The following PIN4 variants were observed in gnomAD, a reference collection of about 807,000 sequenced individuals.
PIN4 encodes the protein peptidyl-prolyl cis-trans isomerase NIMA-interacting 4.
A neutral mutation model predicts 8.3 loss-of-function variants in PIN4; 3 were observed. The observed-to-expected ratio is 0.36, with a 90% CI of 0.16 to 0.93. The LOEUF (loss-of-function observed/expected upper bound fraction) is 0.93, where lower values mean the gene tolerates loss of function less well. Ranked by LOEUF, PIN4 falls within the 40% of genes least tolerant of loss-of-function variation. The pLI is 0.44. For missense variants in PIN4, 75 were observed against 100.6 expected (o/e 0.75, Z 1.09); for synonymous variants, 18 against 32.5 (o/e 0.55, Z 1.52).
chrX:72,193,489 T>C (rs748114247), intron 2 of PIN4, among the ~76,000 whole-genome samples: 2 of 110,884 alleles, frequency 1.8e-5, no homozygotes, highest in African/African-American at 6.6e-5. Flanking sequence ...ATCCTGACCC[T>C]GTGTGGGCCT....
At chrX:72,211,078 CACTTA>C (rs202072699) in intron 3 of PIN4, among the ~76,000 whole-genome samples, 1,801 of 112,102 alleles carry the variant, frequency 0.016, 42 homozygotes, top group African/African-American at 0.054. Context: ...TTGATTTAGC[CACTTA>C]ACTTCTAATC....
rs957718861 is a variant in PIN4 at position 72,225,747 on chromosome X, C to T, written c.312+28843C>T. ...TTATCATGCTTTCTCTCACCAAAAA[C>T]GTGCCTTATTACAGGCCCCTGCTCT... On this transcript the variant is annotated intron_variant, in intron 3 of 3. Coordinates refer to the PIN4 transcript ENST00000423432. Among the ~76,000 whole-genome samples, 9 of 111,471 alleles carry T rather than the reference C, an allele frequency of 8.1e-5. 1 individual carries two copies. Among genetic ancestry groups the T allele is most frequent in the East Asian group, 2.8e-4 (1 of 3,535 alleles).
At chrX:72,246,349 CTG>C (rs2043067150) in intron 3 of PIN4, among the ~76,000 whole-genome samples, 1 of 112,002 alleles carries the variant, frequency 8.9e-6, no homozygotes, top group Admixed American at 9.5e-5. Flanking sequence ...TGCCACCATT[CTG>C]TCTCACTTGG....
At chrX:72,202,713 TTTTAG>T (rs2042794797), downstream of PIN4, among the ~76,000 whole-genome samples, 1 of 111,914 alleles carries the variant, frequency 8.9e-6, no homozygotes, top group Non-Finnish European at 1.9e-5. Context: ...TAATAATTGC[TTTTAG>T]TAAGAGCAAA....
At chrX:72,237,134 C>T (rs1356080738) in intron 3 of PIN4, among the ~76,000 whole-genome samples, 2 of 111,921 alleles carry the variant, frequency 1.8e-5, no homozygotes, top group African/African-American at 6.5e-5. Flanking sequence ...CACTCAGTTA[C>T]GAAGTGCACA....
At position 72,206,664 on chromosome X, in the gene PIN4, A is replaced by T. The variant is rs530425110; in HGVS notation, c.312+9760A>T. On this transcript the variant is annotated intron_variant, in intron 3 of 3. Transcript: ENST00000423432. Reference sequence around the variant, plus strand: ...ATTCAACGAGGAATTGAGCTTTCTGAACCCTTTGTTGAATATAGTGAGATT... The same window carrying T: ...ATTCAACGAGGAATTGAGCTTTCTGTACCCTTTGTTGAATATAGTGAGATT... 13 of 1,209,844 alleles carry T rather than the reference A, an allele frequency of 1.1e-5. 1 individual carries two copies. In the African/African-American group the frequency reaches 1.4e-4, roughly 13 times the overall value.
chrX:72,246,084 C>T (rs2043066378), intron 3 of PIN4, among the ~76,000 whole-genome samples: 1 of 110,998 alleles, frequency 9.0e-6, no homozygotes, highest in South Asian at 3.9e-4. Context: ...CATGTCACCC[C>T]GGAAGCTCAA....
intron 2 of PIN4, among the ~76,000 whole-genome samples, chrX:72,187,531 G>T (rs2042709653): frequency 8.9e-6 from 1 of 111,911 alleles, no homozygotes; most frequent in Non-Finnish European, 1.9e-5. Flanking sequence ...AGGCACAATG[G>T]TTCATTCCTG....
intron 3 of PIN4, among the ~76,000 whole-genome samples, chrX:72,251,417 A>G (rs576341787): frequency 1.8e-5 from 2 of 108,949 alleles, no homozygotes; most frequent in South Asian, 8.2e-4. Context: ...TAAAATTGGA[A>G]TTGTTGGGTC....
chrX:72,241,035 T>A (rs1430295320), intron 3 of PIN4, among the ~76,000 whole-genome samples: 1 of 110,908 alleles, frequency 9.0e-6, no homozygotes, highest in Non-Finnish European at 1.9e-5. Context: ...ATCTGTGCCG[T>A]TTCGCTGTGT....
intron 3 of PIN4, among the ~76,000 whole-genome samples, chrX:72,254,782 A>G (rs1436498206): frequency 1.8e-5 from 2 of 112,790 alleles, no homozygotes; most frequent in Admixed American, 9.4e-5. Flanking sequence ...ATTGCAGGCA[A>G]TAAAACAGCC....
chrX:72,257,654 G>A (rs2043118175), intron 3 of PIN4, among the ~76,000 whole-genome samples: 1 of 111,737 alleles, frequency 8.9e-6, no homozygotes, highest in Non-Finnish European at 1.9e-5. Context: ...AGTTGAAGAT[G>A]ATCAAGGAGG....
intron 2 of PIN4, among the ~76,000 whole-genome samples, chrX:72,193,760 A>T (rs2042748625): frequency 9.1e-6 from 1 of 109,445 alleles, no homozygotes; most frequent in Non-Finnish European, 1.9e-5. Context: ...AATCCCAGCT[A>T]CTCAGGAGGC....
downstream of PIN4, among the ~76,000 whole-genome samples, chrX:72,199,859 A>G (rs2042783350): frequency 8.9e-6 from 1 of 112,560 alleles, no homozygotes; most frequent in African/African-American, 3.2e-5. Flanking sequence ...ATTGACAACT[A>G]AGATTCTGAA....
intron 3 of PIN4, among the ~76,000 whole-genome samples, chrX:72,249,702 T>C (rs776410432): frequency 1.8e-5 from 2 of 111,844 alleles, no homozygotes; most frequent in Non-Finnish European, 3.8e-5. Flanking sequence ...TCCATTTCTA[T>C]GAAGTTCAAG....
At chrX:72,209,011 C>T (rs2042837228) in intron 3 of PIN4, among the ~76,000 whole-genome samples, 1 of 111,428 alleles carries the variant, frequency 9.0e-6, no homozygotes, top group Non-Finnish European at 1.9e-5. Context: ...TTTTGTAAAA[C>T]AAACCTCTAT....
intron 3 of PIN4, among the ~76,000 whole-genome samples, chrX:72,259,892 G>A (rs2043130686): frequency 9.5e-6 from 1 of 105,172 alleles, no homozygotes; most frequent in Non-Finnish European, 1.9e-5. Context: ...CACCATACCT[G>A]GCTAATTTTT....
At chrX:72,187,628 G>A (rs758462641) in intron 2 of PIN4, among the ~76,000 whole-genome samples, 2 of 111,406 alleles carry the variant, frequency 1.8e-5, no homozygotes, top group South Asian at 7.6e-4. Context: ...GCAAGACCCT[G>A]TCACTAAAAA....
chrX:72,238,654 C>T (rs2043031165), intron 3 of PIN4, among the ~76,000 whole-genome samples: 1 of 112,701 alleles, frequency 8.9e-6, no homozygotes, highest in Non-Finnish European at 1.9e-5. Context: ...GCATCGGGGT[C>T]TCCTCAGGTT....
Sources: allele counts gnomAD v4.1 joint callset (sites outside exome capture counted in the v4.1 genomes callset), GRCh38; gene constraint gnomAD v4.1.1; transcripts MANE v1.5; gene names NCBI Gene and HGNC (gene_info 2026-07-23, HGNC 2026-07-21).